CARF: variants seen among roughly 807,000 people sequenced by gnomAD.
CARF encodes the protein calcium-responsive transcription factor.
A neutral mutation model predicts 82.0 loss-of-function variants in CARF; 57 were observed. The ratio of observed to expected loss-of-function variants is 0.70; its 90% CI spans 0.56 to 0.87. The LOEUF is 0.87. Among genes scored for constraint, CARF ranks in the 40% least tolerant of loss-of-function variants. The pLI is 0.00. For missense variants in CARF, 771 were observed against 855.8 expected, an observed-to-expected ratio of 0.90 and a Z score of 1.24; for synonymous variants, 268 against 290.1, an observed-to-expected ratio of 0.92 and a Z score of 0.77.
chr2:202,986,877 T>TACATATATATATATACATATATATATAC lies in CARF; in HGVS notation c.*3254_*3255insCATATATATATATACATATATATATACA, dbSNP rs2060447072. The TACATATATATATATACATATATATATAC allele has an allele frequency of 8.9e-6, 1 of 112,306 alleles. No homozygotes were observed. Among genetic ancestry groups the TACATATATATATATACATATATATATAC allele is most frequent in the Admixed American group, 9.2e-5 (1 of 10,836 alleles). 7.0% of individuals were successfully genotyped at this position (112,306 alleles called of 1,614,324 possible). ...TAAAAAATGTCTGTGCGTATATATATATATATATATATATATATATATATA... is the reference window on the plus strand; with the variant it reads ...TAAAAAATGTCTGTGCGTATATATATACATATATATATATACATATATATATACATATATATATATATATATATATATA... On this transcript the variant is annotated 3_prime_UTR_variant, in exon 17 of 17. Transcript: ENST00000438828.
Position 202,982,056 on chromosome 2 carries a change from C to A in CARF, c.1690-16C>A. On this transcript the variant is annotated splice_polypyrimidine_tract_variant and intron_variant, in intron 15 of 16. Transcript: ENST00000438828. Reference sequence around the variant, plus strand: ...GGAAATTCAAACATTTTGATGTACTCTTTTTGGTTTAAAAGGGTTTGCAGT... The same window carrying A: ...GGAAATTCAAACATTTTGATGTACTATTTTTGGTTTAAAAGGGTTTGCAGT... 1 of 1,606,874 alleles carries A rather than the reference C, an allele frequency of 6.2e-7. No homozygotes were observed. Among genetic ancestry groups the A allele is most frequent in the Non-Finnish European group, 8.5e-7 (1 of 1,178,194 alleles).
chr2:202,933,716 G>A (rs1693402643), intron 3 of CARF, among the ~76,000 whole-genome samples: 1 of 152,120 alleles, frequency 6.6e-6, no homozygotes, highest in East Asian at 1.9e-4. Flanking sequence ...CTTTGTGGGG[G>A]AAATGAATGC....
At chr2:202,925,751 C>A in intron 3 of CARF, 1 of 179,816 alleles carries the variant, frequency 5.6e-6, no homozygotes, top group Non-Finnish European at 1.2e-5. Context: ...GGCCTGTCAG[C>A]TGCTTGAGTA....
chr2:202,932,777 C>T (rs919614304), intron 3 of CARF, among the ~76,000 whole-genome samples: 1 of 152,000 alleles, frequency 6.6e-6, no homozygotes, highest in South Asian at 2.1e-4. Flanking sequence ...GTCTTAGCAG[C>T]TCAGACTCTA....
At chr2:202,978,972 T>C (rs2060139145) in intron 14 of CARF, among the ~76,000 whole-genome samples, 1 of 152,138 alleles carries the variant, frequency 6.6e-6, no homozygotes, top group Admixed American at 6.5e-5. Context: ...AATAAGAGGT[T>C]GTAGCTGGGC....
At chr2:202,960,881 G>A (rs890199465) in intron 8 of CARF, among the ~76,000 whole-genome samples, 2 of 151,974 alleles carry the variant, frequency 1.3e-5, no homozygotes, top group East Asian at 3.9e-4. Context: ...TAGGAAATGA[G>A]TACTTTGTGG....
rs532788343 is a variant in CARF, at chr2:202,921,722, A to G, written c.-162-2575A>G. ...TCTGGAAGAATATGCAAAAATGTCAATAGTGATTTCTGTAAAATTATAAGT... is the reference window on the plus strand; with the variant it reads ...TCTGGAAGAATATGCAAAAATGTCAGTAGTGATTTCTGTAAAATTATAAGT... On this transcript the variant is annotated intron_variant, in intron 2 of 16. Transcript: ENST00000438828. Among the ~76,000 whole-genome samples, 13 of 152,326 alleles carry G rather than the reference A, an allele frequency of 8.5e-5. No homozygotes were observed. In the South Asian group the frequency reaches 2.3e-3, roughly 27 times the overall value.
At chr2:202,981,925 A>C in intron 15 of CARF, 147 bp from the exon 16 acceptor site, 1 of 1,010,622 alleles carries the variant, frequency 9.9e-7, no homozygotes, top group South Asian at 1.8e-5. Flanking sequence ...TTTTCCCTTG[A>C]TTCTTGTTTC....
chr2:202,946,936 A>G (rs913798884), intron 5 of CARF, among the ~76,000 whole-genome samples: 3 of 152,232 alleles, frequency 2.0e-5, no homozygotes, highest in Non-Finnish European at 4.4e-5. Context: ...ATATCATCAC[A>G]CGCCGGTTAG....
At chr2:202,972,674 TAA>T (rs35376227) in intron 12 of CARF, among the ~76,000 whole-genome samples, 45 of 102,994 alleles carry the variant, frequency 4.4e-4, no homozygotes, top group Non-Finnish European at 6.4e-4. Flanking sequence ...AGACTCCGTC[TAA>T]AAAAAAAAAA....
intron 3 of CARF, among the ~76,000 whole-genome samples, chr2:202,928,397 A>G (rs1045485349): frequency 5.9e-5 from 9 of 152,118 alleles, no homozygotes; most frequent in Non-Finnish European, 8.8e-5. Context: ...GGTTGATTCC[A>G]TATCTTGACC....
chr2:202,973,610 A>G, intron 12 of CARF: 2 of 323,926 alleles, frequency 6.2e-6, no homozygotes, highest in Non-Finnish European at 1.2e-5. Flanking sequence ...TGGGCAAATT[A>G]TTTCACTTCT....
intron 5 of CARF, among the ~76,000 whole-genome samples, chr2:202,945,174 A>G (rs2058435229): frequency 6.6e-6 from 1 of 152,182 alleles, no homozygotes; most frequent in Non-Finnish European, 1.5e-5. Flanking sequence ...GAGCAACTTT[A>G]GGTTCATGAC....
Position 202,983,592 on chromosome 2 carries a change from A to C in CARF, c.2146A>C (p.Thr716Pro). The C allele has an allele frequency of 6.2e-7, 1 of 1,607,502 alleles. No homozygotes were observed. Among genetic ancestry groups the C allele is most frequent in the East Asian group, 2.2e-5 (1 of 44,758 alleles). Residue 716 changes from threonine (T) to proline (P), a missense_variant, in exon 17 of 17, where the codon ACT (threonine) becomes CCT (proline). Coordinates refer to ENST00000438828, the MANE Select transcript of CARF (RefSeq NM_024744.17). ...EPALSMEAKK[T>P]VDYKKLSAT is the part of the protein sequence containing the mutation. Reference sequence around the variant, plus strand: ...AGCATTGTCTATGGAAGCAAAAAAAACTGTGGACTATAAGAAATTATCTGC... The same window carrying C: ...AGCATTGTCTATGGAAGCAAAAAAACCTGTGGACTATAAGAAATTATCTGC...
chr2:202,954,047 TAA>T lies in CARF; in HGVS notation c.471_472del (p.Arg158SerfsTer44), dbSNP rs1167140406. The T allele has an allele frequency of 3.7e-6, 6 of 1,612,406 alleles. No homozygotes were observed. Among genetic ancestry groups the T allele is most frequent in the Non-Finnish European group, 5.1e-6 (6 of 1,179,370 alleles). ...CCCAGTAACAGAAACTTACCAACTG[TAA>T]GAGTGGATACTCTAGCAGACAATAC... On this transcript the variant is annotated frameshift_variant, in exon 7 of 17. Transcript: ENST00000438828. LOFTEE classifies it high-confidence loss of function.
At chr2:202,916,706 T>C (rs1689736174) in intron 1 of CARF, among the ~76,000 whole-genome samples, 2 of 152,170 alleles carry the variant, frequency 1.3e-5, no homozygotes, top group African/African-American at 2.4e-5. Flanking sequence ...AACAACATGG[T>C]TGGATGTTAA....
intron 3 of CARF, among the ~76,000 whole-genome samples, chr2:202,930,441 G>A (rs1392037467): frequency 1.3e-5 from 2 of 151,862 alleles, no homozygotes; most frequent in East Asian, 3.9e-4. Flanking sequence ...TCTCTCTCTG[G>A]GTAATTTCAA....
intron 3 of CARF, among the ~76,000 whole-genome samples, chr2:202,926,486 T>C (rs1015278785): frequency 1.3e-5 from 2 of 152,230 alleles, no homozygotes; most frequent in African/African-American, 4.8e-5. Flanking sequence ...GATACCATAA[T>C]ACCTTGATTG....
chr2:202,925,667 T>C, intron 3 of CARF: 1 of 208,186 alleles, frequency 4.8e-6, no homozygotes, highest in Non-Finnish European at 9.9e-6. Context: ...AGATGCTGAG[T>C]AGCAGGGGGA....
Sources: allele counts gnomAD v4.1 joint callset (sites outside exome capture counted in the v4.1 genomes callset), GRCh38; gene constraint gnomAD v4.1.1; transcripts MANE v1.5; gene names NCBI Gene and HGNC (gene_info 2026-07-23, HGNC 2026-07-21).